PHIP: variants seen among roughly 807,000 people sequenced by gnomAD.
PHIP encodes PHIP subunit of CUL4-Ring ligase complex.
Under a neutral mutation model 236.8 loss-of-function variants are expected in PHIP, and 54 were observed. The ratio of observed to expected loss-of-function variants is 0.23; its 90% CI spans 0.18 to 0.29. PHIP has a LOEUF of 0.29. Among genes scored for constraint, PHIP ranks in the 10% least tolerant of loss-of-function variants. The pLI, the probability that PHIP is intolerant of heterozygous loss-of-function variation, is 1.00. For synonymous variants in PHIP, 756 were observed against 718.9 expected (o/e 1.05, Z -0.83); for missense variants, 1,370 against 2,190.8 (o/e 0.63, Z 7.48).
chr6:79,069,355 AAG>A (rs1187516964), intron 4 of PHIP, among the ~76,000 whole-genome samples: 2 of 151,926 alleles, frequency 1.3e-5, no homozygotes, highest in Non-Finnish European at 2.9e-5. Context: ...ATAATCTTTA[AAG>A]AAAGAATGCA....
At chr6:79,068,807 A>G (rs1773750376) in intron 4 of PHIP, among the ~76,000 whole-genome samples, 1 of 152,208 alleles carries the variant, frequency 6.6e-6, no homozygotes, top group Non-Finnish European at 1.5e-5. Flanking sequence ...TGTTAGATCA[A>G]TATATTCATT....
At chr6:78,994,304 G>A (rs985358968) in intron 19 of PHIP, among the ~76,000 whole-genome samples, 13 of 152,180 alleles carry the variant, frequency 8.5e-5, no homozygotes, top group South Asian at 2.1e-4. Context: ...TTGGCCAGGC[G>A]CGGTGGCTCA....
At chr6:79,056,382 C>A (rs1218258253) in intron 6 of PHIP, among the ~76,000 whole-genome samples, 1 of 152,092 alleles carries the variant, frequency 6.6e-6, no homozygotes, top group Admixed American at 6.6e-5. Flanking sequence ...GCACAAAGTG[C>A]AGGTGAGGAC....
chr6:79,022,239 C>A (rs1025243514), intron 9 of PHIP, among the ~76,000 whole-genome samples: 1 of 152,092 alleles, frequency 6.6e-6, no homozygotes, highest in African/African-American at 2.4e-5. Flanking sequence ...TAAAACGGAA[C>A]CTATTTCAGA....
intron 20 of PHIP, among the ~76,000 whole-genome samples, chr6:78,989,599 C>T (rs991816804): frequency 1.3e-4 from 20 of 152,256 alleles, no homozygotes; most frequent in African/African-American, 3.1e-4. Context: ...CCAGTTTTTG[C>T]GACCACAGAC....
chr6:78,990,688 G>C (rs543847405), intron 20 of PHIP, among the ~76,000 whole-genome samples, 180 bp downstream of exon 20: 3 of 152,214 alleles, frequency 2.0e-5, no homozygotes, highest in African/African-American at 7.2e-5. Flanking sequence ...CTACAAAGCA[G>C]AAATGGAATT....
chr6:78,985,711 C>T (rs1315772650), intron 21 of PHIP, among the ~76,000 whole-genome samples: 1 of 152,078 alleles, frequency 6.6e-6, no homozygotes, highest in Non-Finnish European at 1.5e-5. Context: ...GGAATGGTGG[C>T]AGATGCCTGT....
Position 79,060,649 on chromosome 6 carries a change from T to G in PHIP, c.340+19A>C. ...AGTGAGATAAATAATGTCTAAATCC[T>G]ATGAGAAAATTTTCATACTTTTATT... On this transcript the variant is annotated intron_variant, in intron 5 of 39. Transcript: ENST00000275034. 6.2e-7 allele frequency: 1 copy of G among 1,609,766 alleles called. No homozygotes were observed. The highest frequency in any genetic ancestry group is 8.5e-7 in the Non-Finnish European group (1 of 1,177,956).
chr6:79,068,613 C>T (rs1403973502), intron 4 of PHIP, among the ~76,000 whole-genome samples: 1 of 152,150 alleles, frequency 6.6e-6, no homozygotes, highest in Non-Finnish European at 1.5e-5. Context: ...ACAGTCACCA[C>T]CTTGGAAAGT....
At chr6:79,053,497 T>C (rs1351546637) in intron 6 of PHIP, among the ~76,000 whole-genome samples, 2 of 152,220 alleles carry the variant, frequency 1.3e-5, no homozygotes, top group African/African-American at 4.8e-5. Flanking sequence ...TTTCTTTTAC[T>C]TTTTAAAAGA....
chr6:79,041,193 T>C (rs1327106574), intron 7 of PHIP, among the ~76,000 whole-genome samples: 2 of 152,120 alleles, frequency 1.3e-5, no homozygotes, highest in African/African-American at 4.8e-5. Context: ...TGAACATGCC[T>C]GTGTTTCAAT....
intron 22 of PHIP, among the ~76,000 whole-genome samples, chr6:78,985,014 GA>G (rs200952624): frequency 0.013 from 1,912 of 152,212 alleles, 36 homozygotes; most frequent in African/African-American, 0.043. Flanking sequence ...CACTATATAA[GA>G]TAGTTAACTC....
rs535998623 is a variant in PHIP, at chr6:78,996,538, A to C, written c.2201+876T>G. On this transcript the variant is annotated intron_variant, in intron 19 of 39. Coordinates refer to ENST00000275034, the MANE Select transcript of PHIP (RefSeq NM_017934.7). ...CATTAGAATTAAAAAGTAAACAAGA[A>C]TCTAACTAAAAATATGCCATGTGAG... 1.8e-3 allele frequency among the ~76,000 whole-genome samples: 272 copies of C among 152,332 alleles called. 1 individual carries two copies. Among genetic ancestry groups the C allele is most frequent in the African/African-American group, 5.6e-3 (233 of 41,578 alleles).
In PHIP at chr6:79,012,307, T is replaced by C. The variant is rs187702832; in HGVS notation, c.1524+2775A>G. Among the ~76,000 whole-genome samples the C allele has an allele frequency of 2.1e-4, 32 of 151,912 alleles. No homozygotes were observed. In the East Asian group the frequency reaches 6.0e-3, roughly 28 times the overall value. On this transcript the variant is annotated intron_variant, in intron 15 of 39. Transcript: ENST00000275034. Reference sequence around the variant, plus strand: ...TAAGAAATTTGTACTAAAACTGTTATTCTAAAGGTATAGTCTACATTCCTT... The same window carrying C: ...TAAGAAATTTGTACTAAAACTGTTACTCTAAAGGTATAGTCTACATTCCTT...
intron 7 of PHIP, among the ~76,000 whole-genome samples, chr6:79,034,600 G>T (rs1344654969): frequency 6.6e-6 from 1 of 152,186 alleles, no homozygotes; most frequent in Non-Finnish European, 1.5e-5. Flanking sequence ...TTTATTTAAA[G>T]AAAAGCTAAG....
At chr6:78,980,493 C>T (rs956225705) in intron 23 of PHIP, among the ~76,000 whole-genome samples, 9 of 152,026 alleles carry the variant, frequency 5.9e-5, no homozygotes, top group African/African-American at 1.9e-4. Flanking sequence ...TCAAAGATAT[C>T]TCCAGGGTTT....
intron 6 of PHIP, among the ~76,000 whole-genome samples, chr6:79,049,894 T>G (rs1772700183): frequency 6.6e-6 from 1 of 152,190 alleles, no homozygotes; most frequent in African/African-American, 2.4e-5. Context: ...CATAAAGTAT[T>G]TAATAAGGCA....
At chr6:78,988,405 G>C in intron 20 of PHIP, 56 bp from the exon 21 acceptor site, 2 of 1,319,494 alleles carry the variant, frequency 1.5e-6, no homozygotes, top group South Asian at 3.0e-5. Context: ...AGGATTTTTA[G>C]TTTAAAAGTT....
At chr6:79,008,542 T>A (rs1390964205) in intron 15 of PHIP, among the ~76,000 whole-genome samples, 5 of 151,796 alleles carry the variant, frequency 3.3e-5, no homozygotes, top group Non-Finnish European at 5.9e-5. Context: ...TCTTTTGGTC[T>A]TTTTGGCATA....
Sources: gnomAD v4.1 joint callset for allele counts (sites outside exome capture counted in the v4.1 genomes callset) on GRCh38, gnomAD v4.1.1 for gene constraint, MANE v1.5 for transcripts, NCBI Gene and HGNC (gene_info 2026-07-23, HGNC 2026-07-21) for gene names.